The following SPECC1 variants were observed in gnomAD, a reference collection of about 807,000 sequenced individuals.
The protein encoded by SPECC1 is sperm antigen with calponin homology and coiled-coil domains 1.
A neutral mutation model predicts 104.1 loss-of-function variants in SPECC1; 62 were observed. That is an observed-to-expected ratio of 0.60 (90% CI 0.49 to 0.74). SPECC1 has a LOEUF of 0.74. Ranked by LOEUF, SPECC1 falls within the 30% of genes least tolerant of loss-of-function variation. The pLI is 0.00. For synonymous variants in SPECC1, 513 were observed against 501.6 expected (o/e 1.02, Z -0.30); for missense variants, 1,306 against 1,310.5 (o/e 1.00, Z 0.05).
rs574030351 is a variant in SPECC1 at position 20,156,246 on chromosome 17, G to A, written c.283+45684G>A. The A allele has an allele frequency of 4.4e-6, 6 of 1,353,816 alleles. No individual in the cohort carries two copies. The African/African-American group carries it at 4.6e-5, about 10-fold the overall frequency. 83.9% of individuals were successfully genotyped at this position (1,353,816 alleles called of 1,614,324 possible). ...GAGGATCCGGAACCAGGTCTGTGCG[G>A]CTGGCGGGGGTCGCGCCGCAGCCGC... is the stretch of plus-strand genomic sequence containing the variant. On this transcript the variant is annotated intron_variant, in intron 3 of 14. Coordinates refer to ENST00000395527, the MANE Select transcript of SPECC1 (RefSeq NM_001243439.2).
chr17:20,271,623 C>T (rs960986580), intron 12 of SPECC1, among the ~76,000 whole-genome samples: 1 of 152,162 alleles, frequency 6.6e-6, no homozygotes, highest in African/African-American at 2.4e-5. Context: ...GCTGTGTTAT[C>T]CTGAGGAGAT....
chr17:20,178,576 T>C (rs927620942), intron 3 of SPECC1, among the ~76,000 whole-genome samples: 20 of 152,010 alleles, frequency 1.3e-4, no homozygotes, highest in African/African-American at 4.8e-4. Flanking sequence ...TTTTAAAGAG[T>C]GATTACTCCT....
At chr17:20,233,302 A>G (rs1315541883) in intron 7 of SPECC1, among the ~76,000 whole-genome samples, 1 of 152,212 alleles carries the variant, frequency 6.6e-6, no homozygotes, top group African/African-American at 2.4e-5. Flanking sequence ...TTCCAAGATC[A>G]GTGGCTAGCT....
chr17:20,300,217 T>C (rs1375677662), intron 13 of SPECC1, among the ~76,000 whole-genome samples: 1 of 152,036 alleles, frequency 6.6e-6, no homozygotes, highest in Non-Finnish European at 1.5e-5. Context: ...GTGTTTGTTG[T>C]GGAGGTAGAG....
intron 1 of SPECC1, among the ~76,000 whole-genome samples, chr17:20,062,251 G>A (rs1293423438): frequency 1.4e-4 from 19 of 138,310 alleles, no homozygotes; most frequent in Admixed American, 1.2e-3. Context: ...AGACTCTGTC[G>A]TCAAAAAAAA....
At chr17:20,094,589 G>A (rs1487413700) in intron 1 of SPECC1, among the ~76,000 whole-genome samples, 1 of 152,020 alleles carries the variant, frequency 6.6e-6, no homozygotes, top group African/African-American at 2.4e-5. Flanking sequence ...TCATTTCAGG[G>A]GTAACCTGGG....
intron 3 of SPECC1, among the ~76,000 whole-genome samples, chr17:20,162,320 T>C (rs2033237477): frequency 6.6e-6 from 1 of 150,586 alleles, no homozygotes; most frequent in Non-Finnish European, 1.5e-5. Flanking sequence ...TAATTTTTTC[T>C]ATTTTTTAGT....
intron 2 of SPECC1, among the ~76,000 whole-genome samples, chr17:20,100,245 G>A (rs2047880279): frequency 6.6e-6 from 1 of 152,188 alleles, no homozygotes; most frequent in East Asian, 1.9e-4. Context: ...GCAGCAGAAA[G>A]AAATGTAGCC....
At chr17:20,179,526 T>G (rs192574846) in intron 3 of SPECC1, among the ~76,000 whole-genome samples, 157 of 152,328 alleles carry the variant, frequency 1.0e-3, no homozygotes, top group African/African-American at 3.5e-3. Flanking sequence ...GACCCTACCT[T>G]TAACTGAGAC....
At position 20,096,731 on chromosome 17, in the gene SPECC1, C is replaced by A. The variant is rs761087933; in HGVS notation, c.80C>A (p.Ala27Glu). The A allele has an allele frequency of 1.7e-5, 28 of 1,614,118 alleles. No homozygotes were observed. The highest frequency in any genetic ancestry group is 2.2e-5 in the East Asian group (1 of 44,894). The change falls in exon 2 of 15, where the codon GCA becomes GAA. Residue 27 changes from alanine (A) to glutamate (E), a missense_variant. Ala to Glu is a moderately radical substitution (Grantham distance 107). Around this residue, in one of 2 missense-constraint regions of SPECC1, gnomAD observed 1,177 missense variants for 1,139.9 expected, o/e 1.03. Coordinates refer to ENST00000395527, the MANE Select transcript of SPECC1 (RefSeq NM_001243439.2). Reference protein sequence around the residue: ...HGPDRVRPLPAASSGMKSSKS... With the variant: ...HGPDRVRPLPEASSGMKSSKS... Reference sequence around the variant, plus strand: ...CCAGACCGGGTGCGGCCTCTGCCTGCAGCCTCTTCCGGCATGAAGAGTTCT... The same window carrying A: ...CCAGACCGGGTGCGGCCTCTGCCTGAAGCCTCTTCCGGCATGAAGAGTTCT...
At chr17:20,038,403 C>CTTTTTTTTTTTTTT in intron 1 of SPECC1, among the ~76,000 whole-genome samples, 1 of 99,350 alleles carries the variant, frequency 1.0e-5, no homozygotes, top group Non-Finnish European at 2.0e-5. Flanking sequence ...TTTTGATATT[C>CTTTTTTTTTTTTTT]TTTTTTTTTT....
chr17:20,056,698 A>G (rs2045979000), intron 1 of SPECC1: 1 of 152,430 alleles, frequency 6.6e-6, no homozygotes. Flanking sequence ...GAGGCATTTT[A>G]TAGATGTTTG....
chr17:20,245,349 C>T (rs2039376296), intron 7 of SPECC1, among the ~76,000 whole-genome samples: 1 of 152,152 alleles, frequency 6.6e-6, no homozygotes, highest in Non-Finnish European at 1.5e-5. Context: ...AGCATCTTGT[C>T]TCTGCTACAG....
intron 1 of SPECC1, among the ~76,000 whole-genome samples, chr17:20,050,619 T>C (rs1027494178): frequency 3.9e-5 from 6 of 152,238 alleles, no homozygotes; most frequent in Admixed American, 6.5e-5. Flanking sequence ...TTACCTACTT[T>C]GAATTGATTT....
intron 4 of SPECC1, among the ~76,000 whole-genome samples, chr17:20,208,689 C>T (rs1242562508): frequency 3.9e-5 from 6 of 152,106 alleles, no homozygotes; most frequent in African/African-American, 1.2e-4. Context: ...ATCCTGGTCT[C>T]GTATCTAATT....
At chr17:20,084,167 C>T (rs9912775) in intron 1 of SPECC1, among the ~76,000 whole-genome samples, 74,989 of 152,006 alleles carry the variant, frequency 0.49, 19,050 homozygotes, top group Middle Eastern at 0.58. Context: ...CTGTGACTCA[C>T]GCCTGTAATC....
chr17:20,123,784 T>G (rs543893869), intron 3 of SPECC1, among the ~76,000 whole-genome samples: 79 of 152,370 alleles, frequency 5.2e-4, no homozygotes, highest in Non-Finnish European at 9.6e-4. Flanking sequence ...CATTCTTTGC[T>G]CACTATGTGC....
chr17:20,151,036 C>T lies in SPECC1; in HGVS notation c.283+40474C>T, dbSNP rs535877426. Among the ~76,000 whole-genome samples the T allele has an allele frequency of 2.0e-4, 31 of 152,162 alleles. No homozygotes were observed. The South Asian group carries it at 2.3e-3, about 11-fold the overall frequency. ...AAAAACCTTTTTGTCTTCCTTAAAA[C>T]GCTTAGATTATAGGTGAAGTAAAAA... is the stretch of plus-strand genomic sequence containing the variant. On this transcript the variant is annotated intron_variant, in intron 3 of 14. Coordinates refer to ENST00000395527, the MANE Select transcript of SPECC1 (RefSeq NM_001243439.2).
intron 1 of SPECC1, among the ~76,000 whole-genome samples, chr17:20,094,257 G>A (rs2047541593): frequency 6.6e-6 from 1 of 152,090 alleles, no homozygotes; most frequent in South Asian, 2.1e-4. Context: ...AAGAGAAAGG[G>A]ACCCTGATGC....
Sources: allele counts gnomAD v4.1 joint callset (sites outside exome capture counted in the v4.1 genomes callset), GRCh38; gene constraint gnomAD v4.1.1; regional missense constraint gnomAD v4.1.1; transcripts MANE v1.5; gene names NCBI Gene and HGNC (gene_info 2026-07-23, HGNC 2026-07-21).